The following QTMAN variants were observed in gnomAD, a reference collection of about 807,000 sequenced individuals.
QTMAN encodes tRNA-queuosine alpha-mannosyltransferase.
At chr2:144,119,814 C>T in the QTMAN span, among the ~76,000 whole-genome samples, 2 of 152,030 alleles carry the variant, frequency 1.3e-5, no homozygotes, top group African/African-American at 4.8e-5. Context: ...TTCACTAGAT[C>T]CTGTGCCTCT....
At chr2:144,019,439 T>TGTAG in the QTMAN span, among the ~76,000 whole-genome samples, 7 of 103,758 alleles carry the variant, frequency 6.7e-5, no homozygotes, top group South Asian at 1.9e-3. Context: ...CATGCAGGTG[T>TGTAG]GTGTGTGTGT....
At chr2:144,090,285 T>G in the QTMAN span, among the ~76,000 whole-genome samples, 10 of 152,122 alleles carry the variant, frequency 6.6e-5, no homozygotes, top group Non-Finnish European at 1.5e-5. Context: ...GACTAAATGC[T>G]TTCCCTCTAA....
At chr2:144,254,506 G>A in the QTMAN span, among the ~76,000 whole-genome samples, 1 of 152,188 alleles carries the variant, frequency 6.6e-6, no homozygotes, top group African/African-American at 2.4e-5. Flanking sequence ...GGAAACACCT[G>A]GATGTCCAGG....
At chr2:144,145,526 A>G in the QTMAN span, 1 of 1,420,214 alleles carries the variant, frequency 7.0e-7, no homozygotes, top group East Asian at 2.3e-5. Context: ...ACCTACAAAG[A>G]AAAAGGTAGC....
chr2:144,007,284 T>G, the QTMAN span: 17 of 1,613,158 alleles, frequency 1.1e-5, no homozygotes, highest in Non-Finnish European at 1.4e-5. Context: ...TTCACCATGA[T>G]GAGAGCTTGA....
chr2:144,245,983 T>C, the QTMAN span, among the ~76,000 whole-genome samples: 7 of 152,330 alleles, frequency 4.6e-5, no homozygotes, highest in Non-Finnish European at 1.5e-5. Context: ...GTATCCATTC[T>C]GCAGTTTTCA....
At chr2:143,985,431 G>A in the QTMAN span, among the ~76,000 whole-genome samples, 12 of 152,192 alleles carry the variant, frequency 7.9e-5, no homozygotes. Context: ...TGTTTTCCAG[G>A]AGCATTACAC....
At chr2:144,275,815 T>G in the QTMAN span, among the ~76,000 whole-genome samples, 1 of 152,192 alleles carries the variant, frequency 6.6e-6, no homozygotes, top group Non-Finnish European at 1.5e-5. Context: ...CACCTGAGAT[T>G]CTGATAAAAA....
chr2:144,193,356 C>T, the QTMAN span, among the ~76,000 whole-genome samples: 1 of 150,018 alleles, frequency 6.7e-6, no homozygotes, highest in East Asian at 1.9e-4. Flanking sequence ...CATAAAATGA[C>T]ATAAAATGAC....
chr2:143,961,100 G>A, the QTMAN span, among the ~76,000 whole-genome samples: 1 of 152,098 alleles, frequency 6.6e-6, no homozygotes, highest in Admixed American at 6.6e-5. Flanking sequence ...CCAGGACAGT[G>A]TTCATTTCAT....
chr2:144,310,973 T>A, the QTMAN span, among the ~76,000 whole-genome samples: 1 of 152,156 alleles, frequency 6.6e-6, no homozygotes, highest in Non-Finnish European at 1.5e-5. Flanking sequence ...TAGGAAATAA[T>A]CCATATTTGA....
chr2:143,952,076 G>T, the QTMAN span: 1 of 1,577,808 alleles, frequency 6.3e-7, no homozygotes. Flanking sequence ...ATATTCAGCT[G>T]CAGGAAAAAC....
the QTMAN span, among the ~76,000 whole-genome samples, chr2:144,291,501 C>A: frequency 1.3e-5 from 2 of 152,348 alleles, no homozygotes; most frequent in East Asian, 3.9e-4. Context: ...GTTTTCAGCT[C>A]TGTGCTCATA....
At chr2:144,250,136 G>T in the QTMAN span, among the ~76,000 whole-genome samples, 108,527 of 138,584 alleles carry the variant, frequency 0.78, 41,349 homozygotes, top group Non-Finnish European at 0.84. Context: ...TTTTTTTTTT[G>T]TTTGTTTTTG....
At chr2:144,112,423 T>C in the QTMAN span, among the ~76,000 whole-genome samples, 7 of 152,326 alleles carry the variant, frequency 4.6e-5, no homozygotes, top group Admixed American at 1.3e-4. Context: ...CTGGCTTTCT[T>C]TCTGACTGAT....
At chr2:144,268,402 G>A in the QTMAN span, among the ~76,000 whole-genome samples, 36 of 152,204 alleles carry the variant, frequency 2.4e-4, no homozygotes, top group Non-Finnish European at 4.6e-4. Context: ...TAAGGCAGGA[G>A]TATTTAAGAT....
the QTMAN span, among the ~76,000 whole-genome samples, chr2:144,231,036 A>T: frequency 6.6e-6 from 1 of 152,196 alleles, no homozygotes; most frequent in Non-Finnish European, 1.5e-5. Flanking sequence ...AATACTTGTA[A>T]AAGTATTCTA....
the QTMAN span, among the ~76,000 whole-genome samples, chr2:144,057,605 C>A: frequency 6.6e-6 from 1 of 152,214 alleles, no homozygotes. Context: ...TTCAATTTGA[C>A]CATAGTGGGT....
the QTMAN span, among the ~76,000 whole-genome samples, chr2:144,150,432 C>T: frequency 1.3e-5 from 2 of 152,008 alleles, no homozygotes; most frequent in Admixed American, 1.3e-4. Flanking sequence ...TGACTAGCTA[C>T]ATATGGCTAT....
Sources: allele counts gnomAD v4.1 joint callset (sites outside exome capture counted in the v4.1 genomes callset), GRCh38; gene constraint gnomAD v4.1.1; transcripts MANE v1.5; gene names NCBI Gene and HGNC (gene_info 2026-07-23, HGNC 2026-07-21).